The following ANKRD30BL variants were observed in gnomAD, a reference collection of about 807,000 sequenced individuals.
The protein encoded by ANKRD30BL is ankyrin repeat domain 30B like.
Under a neutral mutation model 18.4 loss-of-function variants are expected in ANKRD30BL, and 20 were observed. The observed-to-expected ratio is 1.09, with a 90% confidence interval of 0.77 to 1.58. The LOEUF (loss-of-function observed/expected upper bound fraction) is 1.58. Ranked by LOEUF, ANKRD30BL falls within the 40% of genes most tolerant of loss-of-function variation. The pLI is 0.00. For missense variants in ANKRD30BL, 224 were observed against 268.6 expected (o/e 0.83, Z 1.16); for synonymous variants, 72 against 100.9 (o/e 0.71, Z 1.72).
chr2:132,175,317 GGGAGGTACTATGCCT>G (rs1436990576), intron 1 of ANKRD30BL, among the ~76,000 whole-genome samples: 1 of 151,954 alleles, frequency 6.6e-6, no homozygotes, highest in African/African-American at 2.4e-5. Context: ...TAAGTTCAAG[GGGAGGTACTATGCCT>G]GGATGTGCAC....
At chr2:132,255,665 A>G (rs1240291365) in intron 1 of ANKRD30BL, among the ~76,000 whole-genome samples, 1 of 152,142 alleles carries the variant, frequency 6.6e-6, no homozygotes, top group African/African-American at 2.4e-5. Flanking sequence ...AGAGTCCTGT[A>G]TTGTTATTTT....
intron 1 of ANKRD30BL, among the ~76,000 whole-genome samples, chr2:132,253,913 C>G (rs74543495): frequency 4.6e-5 from 7 of 152,026 alleles, no homozygotes; most frequent in Middle Eastern, 3.4e-3. Context: ...GCAGAGGTGA[C>G]GATGGTGGCA....
chr2:132,181,444 A>C (rs1246616792), intron 1 of ANKRD30BL, among the ~76,000 whole-genome samples: 1 of 145,556 alleles, frequency 6.9e-6, no homozygotes, highest in African/African-American at 2.6e-5. Context: ...CTGCACTGAC[A>C]AAGGAAGACT....
Position 132,147,871 on chromosome 2 carries a change from G to GAGCAGGTTACTAAGAATGACTAAAGACAA in ANKRD30BL, c.*231_*259dup. The GAGCAGGTTACTAAGAATGACTAAAGACAA allele has an allele frequency of 2.3e-6, 1 of 439,060 alleles. No individual in the cohort carries two copies. The highest frequency in any genetic ancestry group is 4.3e-6 in the Non-Finnish European group (1 of 235,194). 27.2% of individuals were successfully genotyped at this position (439,060 alleles called of 1,614,324 possible). On this transcript the variant is annotated 3_prime_UTR_variant, in exon 6 of 6. Transcript: ENST00000409867. ...AGGTGTCTAAGGATGACTAAGGACA[G>GAGCAGGTTACTAAGAATGACTAAAGACAA]AGCAGGTTACTAAGAATGACTAAAG... is the stretch of plus-strand genomic sequence containing the variant.
chr2:132,168,909 A>C (rs551072749), intron 1 of ANKRD30BL, among the ~76,000 whole-genome samples: 3 of 148,150 alleles, frequency 2.0e-5, no homozygotes, highest in East Asian at 2.0e-4. Flanking sequence ...AGAAAAAAAA[A>C]CATTTGTACA....
intron 1 of ANKRD30BL, among the ~76,000 whole-genome samples, chr2:132,211,498 C>G (rs1679347635): frequency 2.0e-5 from 3 of 152,056 alleles, no homozygotes; most frequent in South Asian, 4.2e-4. Context: ...TTTTTAAACA[C>G]TCTTTTTGTA....
At chr2:132,163,586 A>G (rs1037727551), upstream of ANKRD30BL, among the ~76,000 whole-genome samples, 1 of 152,220 alleles carries the variant, frequency 6.6e-6, no homozygotes, top group African/African-American at 2.4e-5. Context: ...TATCTTATCT[A>G]TGTCGAATTG....
At chr2:132,253,142 T>C (rs980385887) in intron 1 of ANKRD30BL, 8 of 206,884 alleles carry the variant, frequency 3.9e-5, no homozygotes, top group Non-Finnish European at 6.3e-5. Context: ...CTGGGGGATT[T>C]TGATTGGCAA....
intron 1 of ANKRD30BL, among the ~76,000 whole-genome samples, chr2:132,224,904 G>C (rs1277068891): frequency 6.6e-6 from 1 of 151,742 alleles, no homozygotes; most frequent in Non-Finnish European, 1.5e-5. Flanking sequence ...CATAGAGCAG[G>C]TTTGAAACAC....
intron 1 of ANKRD30BL, among the ~76,000 whole-genome samples, chr2:132,219,889 C>T (rs1380455050): frequency 6.6e-6 from 1 of 152,128 alleles, no homozygotes; most frequent in Non-Finnish European, 1.5e-5. Flanking sequence ...ATTCAACTCA[C>T]AGAGTTGAAC....
intron 1 of ANKRD30BL, among the ~76,000 whole-genome samples, chr2:132,225,632 C>G (rs556298510): frequency 2.0e-5 from 3 of 151,936 alleles, no homozygotes; most frequent in African/African-American, 7.2e-5. Context: ...ATTTGGAACG[C>G]GTTGAGGCAT....
chr2:132,242,307 T>A (rs1281153974), intron 1 of ANKRD30BL, among the ~76,000 whole-genome samples: 2 of 151,816 alleles, frequency 1.3e-5, no homozygotes, highest in Non-Finnish European at 2.9e-5. Context: ...AACACTCTTT[T>A]TTTAGAATCT....
intron 4 of ANKRD30BL, chr2:132,153,561 T>C: frequency 1.7e-6 from 1 of 574,898 alleles, no homozygotes; most frequent in Non-Finnish European, 3.3e-6. Context: ...ACTTAGAGAT[T>C]AAATCCACAA....
intron 1 of ANKRD30BL, among the ~76,000 whole-genome samples, chr2:132,188,840 A>G (rs1209570259): frequency 6.6e-6 from 1 of 152,220 alleles, no homozygotes; most frequent in Non-Finnish European, 1.5e-5. Flanking sequence ...TACATAAAAG[A>G]AAAGATTGGT....
chr2:132,257,801 G>C (rs112494139), exon 1 of ANKRD30BL: 2 of 151,446 alleles, frequency 1.3e-5, no homozygotes, highest in African/African-American at 4.9e-5. Context: ...TTGAGCCTTC[G>C]CGGTCTGGGC....
intron 4 of ANKRD30BL, among the ~76,000 whole-genome samples, chr2:132,151,998 A>AT (rs534685060): frequency 6.6e-6 from 1 of 152,134 alleles, no homozygotes; most frequent in Middle Eastern, 3.4e-3. Flanking sequence ...CCCTACCTTT[A>AT]TTTTTTGTAA....
intron 1 of ANKRD30BL, among the ~76,000 whole-genome samples, chr2:132,217,262 C>G (rs1679531622): frequency 6.6e-6 from 1 of 151,850 alleles, no homozygotes; most frequent in Non-Finnish European, 1.5e-5. Context: ...AAGGGAATAT[C>G]TTCACATAAT....
At chr2:132,148,330 A>G in intron 5 of ANKRD30BL, 102 bp from the exon 6 acceptor site, 1 of 608,650 alleles carries the variant, frequency 1.6e-6, no homozygotes, top group African/African-American at 2.1e-5. Context: ...TTCCTTAAAT[A>G]CTACCAAACT....
chr2:132,222,357 G>A (rs1252504297), intron 1 of ANKRD30BL, among the ~76,000 whole-genome samples: 6 of 152,058 alleles, frequency 3.9e-5, no homozygotes, highest in South Asian at 4.1e-4. Flanking sequence ...CACTGGGGAT[G>A]GGCCATGATG....
Sources: gnomAD v4.1 joint callset for allele counts (sites outside exome capture counted in the v4.1 genomes callset) on GRCh38, gnomAD v4.1.1 for gene constraint, MANE v1.5 for transcripts, NCBI Gene and HGNC (gene_info 2026-07-23, HGNC 2026-07-21) for gene names.